CEPT1: variants seen among roughly 807,000 people sequenced by gnomAD.
CEPT1 encodes the protein choline/ethanolaminephosphotransferase 1.
A neutral mutation model predicts 42.6 loss-of-function variants in CEPT1; 7 were observed. That is an observed-to-expected ratio of 0.16 (90% CI 0.09 to 0.31). CEPT1 has a LOEUF of 0.31. Ranked by LOEUF, CEPT1 falls within the 10% of genes least tolerant of loss-of-function variation. The probability of loss-of-function intolerance (pLI) is 1.00; values close to 1 mark genes in which losing one functional copy is unlikely to be tolerated. For missense variants in CEPT1, 306 were observed against 502.1 expected, an observed-to-expected ratio of 0.61 and a Z score of 3.73; for synonymous variants, 171 against 171.9, an observed-to-expected ratio of 0.99 and a Z score of 0.04.
intron 3 of CEPT1, chr1:111,160,439 A>G (rs1655808204): frequency 6.6e-6 from 1 of 152,244 alleles, no homozygotes; most frequent in Admixed American, 6.5e-5. Context: ...ATCCACATTT[A>G]CAGGTATAGG....
intron 2 of CEPT1, among the ~76,000 whole-genome samples, chr1:111,153,854 T>C (rs1188943876): frequency 1.3e-5 from 2 of 152,224 alleles, no homozygotes; most frequent in Non-Finnish European, 1.5e-5. Context: ...TTGGTTACTA[T>C]AGCTTTTTAG....
chr1:111,161,392 AAGTT>A (rs1655861885), intron 4 of CEPT1, 96 bp downstream of exon 4: 5 of 1,134,828 alleles, frequency 4.4e-6, no homozygotes, highest in Admixed American at 2.7e-5. Context: ...TCAAATCACT[AAGTT>A]AGTTTAATAA....
At chr1:111,156,650 C>T (rs2101287634) in intron 2 of CEPT1, among the ~76,000 whole-genome samples, 1 of 152,310 alleles carries the variant, frequency 6.6e-6, no homozygotes, top group African/African-American at 2.4e-5. Context: ...TGGCTGCATG[C>T]AGTGCAGCCC....
intron 4 of CEPT1, among the ~76,000 whole-genome samples, chr1:111,161,692 A>T (rs180998771): frequency 1.7e-3 from 266 of 152,320 alleles, no homozygotes; most frequent in African/African-American, 5.9e-3. Flanking sequence ...ATTAATTTTT[A>T]GTGTTTCTAC....
intron 3 of CEPT1, chr1:111,160,113 C>T (rs1384752347): frequency 6.6e-6 from 1 of 152,114 alleles, no homozygotes; most frequent in Non-Finnish European, 1.5e-5. Flanking sequence ...GCATGTTTTA[C>T]ACCTCATATA....
chr1:111,145,958 T>C (rs975287747), intron 1 of CEPT1, among the ~76,000 whole-genome samples: 1 of 152,246 alleles, frequency 6.6e-6, no homozygotes, highest in Non-Finnish European at 1.5e-5. Context: ...GTAGATCTAT[T>C]GTCGAGATGT....
intron 5 of CEPT1, among the ~76,000 whole-genome samples, chr1:111,178,009 C>T (rs1656773211): frequency 6.6e-6 from 1 of 152,150 alleles, no homozygotes; most frequent in Non-Finnish European, 1.5e-5. Flanking sequence ...CCATAATTGA[C>T]CCCAGATCAC....
intron 3 of CEPT1, chr1:111,159,915 A>T (rs1655781263): frequency 6.4e-6 from 1 of 156,890 alleles, no homozygotes; most frequent in South Asian, 1.9e-4. Flanking sequence ...GACTTGGATT[A>T]TAACTACGTC....
chr1:111,163,154 G>A (rs1444957781), intron 4 of CEPT1, among the ~76,000 whole-genome samples: 10 of 152,006 alleles, frequency 6.6e-5, no homozygotes, highest in Admixed American at 6.5e-4. Context: ...TGGGGTTGGG[G>A]GCGGGGGGAA....
chr1:111,177,355 G>A (rs1268029766), intron 5 of CEPT1, among the ~76,000 whole-genome samples: 1 of 152,138 alleles, frequency 6.6e-6, no homozygotes, highest in South Asian at 2.1e-4. Context: ...TTTTGACCTC[G>A]ACCTGTCACA....
chr1:111,170,812 A>G (rs1656378956), intron 4 of CEPT1, among the ~76,000 whole-genome samples: 1 of 152,172 alleles, frequency 6.6e-6, no homozygotes, highest in Admixed American at 6.5e-5. Flanking sequence ...CTTCTCTTTA[A>G]CAATAGCTCA....
chr1:111,146,429 T>C (rs1171840864), intron 1 of CEPT1, among the ~76,000 whole-genome samples: 1 of 152,196 alleles, frequency 6.6e-6, no homozygotes, highest in Non-Finnish European at 1.5e-5. Context: ...ACAGTACCAG[T>C]AATCTCTAGC....
chr1:111,154,309 G>T (rs1211330497), intron 2 of CEPT1, among the ~76,000 whole-genome samples: 1 of 151,530 alleles, frequency 6.6e-6, no homozygotes, highest in African/African-American at 2.4e-5. Flanking sequence ...TGTTATTGGT[G>T]TATGGAAATG....
At chr1:111,146,734 A>G (rs1415757922) in intron 1 of CEPT1, among the ~76,000 whole-genome samples, 1 of 152,144 alleles carries the variant, frequency 6.6e-6, no homozygotes, top group Non-Finnish European at 1.5e-5. Flanking sequence ...AATGAAATAC[A>G]AATACTTCAG....
chr1:111,182,230 G>A lies in CEPT1; in HGVS notation c.758G>A (p.Cys253Tyr). The change falls in exon 6 of 9, where the codon TGT becomes TAT. Residue 253 changes from cysteine (C) to tyrosine (Y), a missense_variant. Physicochemically the swap from Cys to Tyr is radical, Grantham distance 194. This residue lies in a region of CEPT1 where 253 missense variants were observed against 447.3 expected (regional missense o/e 0.57). Transcript: ENST00000357172. ...CAAATGAAAATTTTTCCTGCACTTTGTACTGTAGCAGGGACCATATTTTCC... is the reference window on the plus strand; with the variant it reads ...CAAATGAAAATTTTTCCTGCACTTTATACTGTAGCAGGGACCATATTTTCC... ...NIQMKIFPAL[C>Y]TVAGTIFSCT... 6.2e-7 allele frequency: 1 copy of A among 1,611,924 alleles called. No homozygotes were observed. Among genetic ancestry groups the A allele is most frequent in the Non-Finnish European group, 8.5e-7 (1 of 1,178,704 alleles).
intron 5 of CEPT1, among the ~76,000 whole-genome samples, chr1:111,176,780 CAA>C (rs1037661709): frequency 6.6e-5 from 10 of 152,166 alleles, no homozygotes; most frequent in Non-Finnish European, 1.3e-4. Context: ...GTGGATGAAA[CAA>C]AGTGTGTGTA....
At chr1:111,166,816 G>A (rs1381853055) in intron 4 of CEPT1, among the ~76,000 whole-genome samples, 1 of 152,162 alleles carries the variant, frequency 6.6e-6, no homozygotes, top group Non-Finnish European at 1.5e-5. Context: ...TAGGTAATTA[G>A]AGTTGATTCT....
intron 5 of CEPT1, chr1:111,181,299 T>G (rs1394659116): frequency 6.6e-6 from 1 of 152,248 alleles, no homozygotes; most frequent in Non-Finnish European, 1.5e-5. Flanking sequence ...TTGCTTTCTT[T>G]TCAATCCATA....
chr1:111,181,267 G>A (rs1034821464), intron 5 of CEPT1: 1 of 151,962 alleles, frequency 6.6e-6, no homozygotes, highest in Non-Finnish European at 1.5e-5. Context: ...TCTATTACTA[G>A]ACTACGTCAT....
Sources: gnomAD v4.1 joint callset for allele counts (sites outside exome capture counted in the v4.1 genomes callset) on GRCh38, gnomAD v4.1.1 for gene constraint, gnomAD v4.1.1 regional missense constraint, MANE v1.5 for transcripts, NCBI Gene and HGNC (gene_info 2026-07-23, HGNC 2026-07-21) for gene names.